MAP7: variants seen among roughly 807,000 people sequenced by gnomAD.
The protein encoded by MAP7 is microtubule associated protein 7, also known as ensconsin.
Under a neutral mutation model 94.8 loss-of-function variants are expected in MAP7, and 52 were observed. The ratio of observed to expected loss-of-function variants is 0.55; its 90% CI spans 0.44 to 0.69. The LOEUF (loss-of-function observed/expected upper bound fraction) is 0.69. MAP7 is among the 30% of genes least tolerant of loss of function. The probability of loss-of-function intolerance (pLI) is 0.00; values close to 1 mark genes in which losing one functional copy is unlikely to be tolerated. For missense variants in MAP7, 940 were observed against 964.6 expected (o/e 0.97, Z 0.34); for synonymous variants, 350 against 357.0 (o/e 0.98, Z 0.22).
chr6:136,455,921 C>T (rs544844018), intron 1 of MAP7, among the ~76,000 whole-genome samples: 4 of 152,198 alleles, frequency 2.6e-5, no homozygotes, highest in African/African-American at 9.6e-5. Flanking sequence ...ATGATAACTC[C>T]TAACATATCA....
At chr6:136,408,244 A>G (rs1786245141) in intron 3 of MAP7, among the ~76,000 whole-genome samples, 1 of 152,214 alleles carries the variant, frequency 6.6e-6, no homozygotes, top group African/African-American at 2.4e-5. Flanking sequence ...GAAGAAAAAT[A>G]AAGCTTTCAG....
intron 2 of MAP7, among the ~76,000 whole-genome samples, chr6:136,414,252 C>A (rs79021087): frequency 3.1e-4 from 5 of 15,932 alleles, no homozygotes; most frequent in Non-Finnish European, 4.9e-4. Context: ...GACTCCGTCT[C>A]AAAAAAAAAA....
chr6:136,462,199 G>C (rs1279662520), intron 1 of MAP7, among the ~76,000 whole-genome samples: 1 of 149,134 alleles, frequency 6.7e-6, no homozygotes, highest in East Asian at 2.0e-4. Flanking sequence ...TGGTATACCA[G>C]TGGTTGCACT....
intron 7 of MAP7, among the ~76,000 whole-genome samples, chr6:136,375,874 C>G (rs1018285977): frequency 6.6e-6 from 1 of 151,892 alleles, no homozygotes; most frequent in African/African-American, 2.4e-5. Flanking sequence ...AGCATAACAA[C>G]AAAGAAGGGG....
At chr6:136,400,563 G>A (rs1036329079) in intron 3 of MAP7, among the ~76,000 whole-genome samples, 11 of 152,150 alleles carry the variant, frequency 7.2e-5, no homozygotes, top group South Asian at 4.1e-4. Context: ...AAAACAAAGC[G>A]TCAAATAACA....
chr6:136,546,965 C>T (rs1007678222), intron 1 of MAP7, among the ~76,000 whole-genome samples: 1 of 152,162 alleles, frequency 6.6e-6, no homozygotes, highest in African/African-American at 2.4e-5. Context: ...AACGTTTCCT[C>T]CTACTTAGCA....
At chr6:136,409,731 A>G (rs1333876089) in intron 3 of MAP7, among the ~76,000 whole-genome samples, 1 of 152,228 alleles carries the variant, frequency 6.6e-6, no homozygotes. Flanking sequence ...GATGCATTGC[A>G]CTGTGACATT....
intron 12 of MAP7, 61 bp from the exon 13 acceptor site, chr6:136,360,859 G>C (rs1173025907): frequency 1.3e-6 from 2 of 1,590,106 alleles, no homozygotes; most frequent in Admixed American, 3.4e-5. Flanking sequence ...GGTCTCCCAG[G>C]GGGTGCCCAG....
chr6:136,542,927 G>C (rs1022551342), intron 1 of MAP7, among the ~76,000 whole-genome samples: 5 of 152,124 alleles, frequency 3.3e-5, no homozygotes, highest in Non-Finnish European at 7.4e-5. Context: ...TGGTGGAATG[G>C]CTAAAGTTTT....
At chr6:136,500,449 T>C (rs911187650) in intron 1 of MAP7, among the ~76,000 whole-genome samples, 5 of 152,336 alleles carry the variant, frequency 3.3e-5, no homozygotes, top group Middle Eastern at 3.4e-3. Flanking sequence ...TGTACACTTA[T>C]GGAGGATCTG....
At chr6:136,525,969 CTGCTACTTGTTTTTTTTTTTT>C (rs922650830) in intron 1 of MAP7, 7 of 1,486,710 alleles carry the variant, frequency 4.7e-6, no homozygotes, top group Non-Finnish European at 6.2e-6. Context: ...AGGCATACCG[CTGCTACTTGTTTTTTTTTTTT>C]TTAATTGTGA....
intron 1 of MAP7, among the ~76,000 whole-genome samples, chr6:136,471,297 C>T (rs1310737637): frequency 1.8e-4 from 27 of 152,214 alleles, no homozygotes; most frequent in Non-Finnish European, 3.1e-4. Flanking sequence ...ATCCCAATGA[C>T]AACCCAGGGG....
At chr6:136,355,685 G>A (rs1274519534) in intron 16 of MAP7, among the ~76,000 whole-genome samples, 3 of 152,148 alleles carry the variant, frequency 2.0e-5, no homozygotes, top group Middle Eastern at 3.2e-3. Context: ...ATAATTTGAG[G>A]ACTTTCAGAT....
intron 1 of MAP7, among the ~76,000 whole-genome samples, chr6:136,487,393 A>G (rs1000940773): frequency 6.6e-6 from 1 of 152,210 alleles, no homozygotes; most frequent in African/African-American, 2.4e-5. Context: ...GATGATTTAG[A>G]AACAATTTAA....
Position 136,343,404 on chromosome 6 carries a change from C to T in MAP7, c.*824G>A, listed in dbSNP as rs1786932236. 6.6e-6 allele frequency: 1 copy of T among 152,662 alleles called. No individual in the cohort carries two copies. The allele number at this position is 152,662 out of a possible 1,614,324, so 9.5% of individuals were successfully genotyped here. On this transcript the variant is annotated 3_prime_UTR_variant, in exon 18 of 18. Coordinates refer to ENST00000354570, the MANE Select transcript of MAP7 (RefSeq NM_003980.6). ...CCACCATCACTGGGGACAGCAGCAA[C>T]ATACAGACTTCAGAAATAGCCCTGA...
chr6:136,492,994 G>A (rs534975755), intron 1 of MAP7, among the ~76,000 whole-genome samples: 1 of 151,558 alleles, frequency 6.6e-6, no homozygotes, highest in African/African-American at 2.4e-5. Context: ...AAATAAGATT[G>A]GAAAAATTCT....
At chr6:136,479,878 T>C (rs1225077547) in intron 1 of MAP7, among the ~76,000 whole-genome samples, 4 of 152,158 alleles carry the variant, frequency 2.6e-5, no homozygotes, top group African/African-American at 9.7e-5. Context: ...ATTGGAAAGA[T>C]GTTCATAAAT....
At chr6:136,418,232 T>C (rs1467678480) in intron 2 of MAP7, among the ~76,000 whole-genome samples, 1 of 152,242 alleles carries the variant, frequency 6.6e-6, no homozygotes, top group African/African-American at 2.4e-5. Flanking sequence ...TGTTTGTTTT[T>C]TGAGACAGAG....
At chr6:136,360,142 T>A in intron 13 of MAP7, 111 bp from the exon 14 acceptor site, 2 of 880,194 alleles carry the variant, frequency 2.3e-6, no homozygotes, top group Non-Finnish European at 1.8e-6. Flanking sequence ...TTTGGAAAAA[T>A]ACAATATGCA....
Sources: allele counts gnomAD v4.1 joint callset (sites outside exome capture counted in the v4.1 genomes callset), GRCh38; gene constraint gnomAD v4.1.1; transcripts MANE v1.5; gene names NCBI Gene and HGNC (gene_info 2026-07-23, HGNC 2026-07-21).